Variants in SUSD4 observed in about 807,000 individuals in gnomAD.
The protein encoded by SUSD4 is sushi domain-containing protein 4.
SUSD4 carries 41 observed loss-of-function variants against 50.5 expected under a neutral mutation model. That is an observed-to-expected ratio of 0.81 (90% CI 0.63 to 1.05). The LOEUF (loss-of-function observed/expected upper bound fraction) is 1.05, where lower values mean the gene tolerates loss of function less well. Ranked by LOEUF, SUSD4 falls within the 50% of genes least tolerant of loss-of-function variation. The pLI is 0.00. For synonymous variants in SUSD4, 257 were observed against 257.3 expected (o/e 1.00, Z 0.01); for missense variants, 580 against 634.7 (o/e 0.91, Z 0.93).
intron 5 of SUSD4, among the ~76,000 whole-genome samples, chr1:223,250,099 G>T (rs1416618451): frequency 6.6e-6 from 1 of 152,044 alleles, no homozygotes; most frequent in African/African-American, 2.4e-5. Context: ...CATGACCTTG[G>T]GCATTTTACT....
chr1:223,364,378 G>C (rs1474119876), upstream of SUSD4, among the ~76,000 whole-genome samples: 2 of 146,768 alleles, frequency 1.4e-5, no homozygotes, highest in Admixed American at 6.7e-5. The surrounding 1 kb of genome is among the most constrained non-coding windows in gnomAD (Gnocchi z 4.5). Flanking sequence ...GTGGGGGGGC[G>C]GGGACGGGGC....
intron 2 of SUSD4, among the ~76,000 whole-genome samples, chr1:223,312,645 T>C (rs1053210009): frequency 2.0e-5 from 3 of 152,208 alleles, no homozygotes; most frequent in Non-Finnish European, 2.9e-5. Context: ...TCAAATGCAA[T>C]TTGAGAATGA....
chr1:223,365,020 A>C (rs1010663377), upstream of SUSD4, among the ~76,000 whole-genome samples: 2 of 151,716 alleles, frequency 1.3e-5, no homozygotes, highest in African/African-American at 2.4e-5. Context: ...GGGCCCTCGG[A>C]GCCTTGGCCT....
intron 2 of SUSD4, among the ~76,000 whole-genome samples, chr1:223,298,449 C>T (rs1406251888): frequency 6.6e-6 from 1 of 152,176 alleles, no homozygotes; most frequent in Non-Finnish European, 1.5e-5. Context: ...CAGCTCCAAA[C>T]ACTTCAGCCC....
intron 3 of SUSD4, among the ~76,000 whole-genome samples, chr1:223,272,436 G>A (rs561875561): frequency 6.6e-6 from 1 of 152,322 alleles, no homozygotes; most frequent in Non-Finnish European, 1.5e-5. Flanking sequence ...TCCTAAGGCA[G>A]CATTGCATAT....
At chr1:223,357,978 A>C (rs1271021733) in intron 2 of SUSD4, among the ~76,000 whole-genome samples, 1 of 152,220 alleles carries the variant, frequency 6.6e-6, no homozygotes, top group Non-Finnish European at 1.5e-5. Flanking sequence ...TGGTTATTTC[A>C]ATTGTCAAAC....
At chr1:223,330,158 C>T (rs1368375693) in intron 2 of SUSD4, among the ~76,000 whole-genome samples, 1 of 152,182 alleles carries the variant, frequency 6.6e-6, no homozygotes, top group Non-Finnish European at 1.5e-5. Flanking sequence ...TTCTCATTAT[C>T]ACACTCATTT....
At chr1:223,251,116 A>G (rs1024725078) in intron 5 of SUSD4, among the ~76,000 whole-genome samples, 1 of 152,210 alleles carries the variant, frequency 6.6e-6, no homozygotes, top group Non-Finnish European at 1.5e-5. Context: ...CCTTAATCCA[A>G]TATGACTGTT....
intron 2 of SUSD4, among the ~76,000 whole-genome samples, chr1:223,343,806 G>A (rs1667888421): frequency 6.6e-6 from 1 of 152,158 alleles, no homozygotes; most frequent in Non-Finnish European, 1.5e-5. Context: ...GTAAACCCGT[G>A]AAGTCCCTGT....
In SUSD4 at chr1:223,275,309, G is replaced by A. The variant is rs530433182; in HGVS notation, c.362-6634C>T. Among the ~76,000 whole-genome samples, 7 of 152,302 alleles carry A rather than the reference G, an allele frequency of 4.6e-5. No individual in the cohort carries two copies. In the South Asian group the frequency reaches 1.5e-3, roughly 32 times the overall value. On this transcript the variant is annotated intron_variant, in intron 3 of 8. Coordinates refer to ENST00000366878, the MANE Select transcript of SUSD4 (RefSeq NM_017982.4). ...TTGGAAAAACTGGGTTTGATTCAGA[G>A]TTTTGTCCTAGAAGGCAAATCTAAC...
At chr1:223,235,193 T>C in intron 5 of SUSD4, 2 of 1,333,784 alleles carry the variant, frequency 1.5e-6, no homozygotes, top group Non-Finnish European at 1.0e-6. Flanking sequence ...CTAAAAAAAA[T>C]AAAGACTTTA....
intron 2 of SUSD4, among the ~76,000 whole-genome samples, chr1:223,317,690 T>G (rs940103751): frequency 5.3e-5 from 8 of 152,092 alleles, no homozygotes; most frequent in African/African-American, 1.9e-4. Flanking sequence ...CATATTTCTC[T>G]TTTACTCCCA....
At chr1:223,256,485 C>T (rs1558186937) in intron 5 of SUSD4, among the ~76,000 whole-genome samples, 1 of 152,214 alleles carries the variant, frequency 6.6e-6, no homozygotes, top group African/African-American at 2.4e-5. Flanking sequence ...CACATCTCTT[C>T]CTTTCCTGCC....
chr1:223,311,781 A>T (rs1252576886), intron 2 of SUSD4, among the ~76,000 whole-genome samples: 1 of 152,202 alleles, frequency 6.6e-6, no homozygotes. Context: ...TGCAGACTGT[A>T]CTATCATTAT....
At chr1:223,252,236 A>AAAAT (rs1343732568) in intron 5 of SUSD4, among the ~76,000 whole-genome samples, 39 of 89,714 alleles carry the variant, frequency 4.3e-4, no homozygotes, top group Admixed American at 1.1e-3. Flanking sequence ...AAAAAAAAAA[A>AAAAT]ATATATATAT....
chr1:223,234,960 G>A (rs370574932), intron 5 of SUSD4: 6 of 1,583,430 alleles, frequency 3.8e-6, no homozygotes, highest in Non-Finnish European at 5.1e-6. Flanking sequence ...ATTTAGAACA[G>A]AGATGTGGTG....
chr1:223,348,281 T>C (rs1344273590), intron 2 of SUSD4, among the ~76,000 whole-genome samples: 1 of 152,188 alleles, frequency 6.6e-6, no homozygotes, highest in Non-Finnish European at 1.5e-5. Context: ...ATATTTCTCA[T>C]TCTGCTCATA....
rs117993842 is a variant in SUSD4, at chr1:223,237,918, T to C, written c.725-8530A>G. On this transcript the variant is annotated intron_variant, in intron 5 of 8. Coordinates refer to ENST00000366878, the MANE Select transcript of SUSD4 (RefSeq NM_017982.4). The stretch of plus-strand genomic sequence containing the variant: ...TCCTCCAAAAGAGATTATAGATAAT[T>C]GGTATAATGTCTTCCTTATATGTTT... 5.1e-3 allele frequency among the ~76,000 whole-genome samples: 772 copies of C among 152,160 alleles called. 29 individuals carry two copies. In the East Asian group the frequency reaches 0.11, roughly 22 times the overall value.
intron 2 of SUSD4, among the ~76,000 whole-genome samples, chr1:223,318,741 C>T (rs1213377029): frequency 2.6e-5 from 4 of 151,298 alleles, no homozygotes; most frequent in South Asian, 2.1e-4. Context: ...AGGTAATTTA[C>T]AGATTCAATG....
Sources: gnomAD v4.1 joint callset for allele counts (sites outside exome capture counted in the v4.1 genomes callset) on GRCh38, gnomAD v4.1.1 for gene constraint, Gnocchi (gnomAD v3.1) non-coding constraint, MANE v1.5 for transcripts, NCBI Gene and HGNC (gene_info 2026-07-23, HGNC 2026-07-21) for gene names.